Variants in PDXDC1 observed in about 807,000 individuals in gnomAD.
PDXDC1 encodes pyridoxal-dependent decarboxylase domain-containing protein 1.
PDXDC1 carries 42 observed loss-of-function variants against 100.1 expected under a neutral mutation model. The observed-to-expected ratio is 0.42, with a 90% CI of 0.33 to 0.54. The LOEUF is 0.54. Ranked by LOEUF, PDXDC1 falls within the 20% of genes least tolerant of loss-of-function variation. The probability of loss-of-function intolerance (pLI) is 0.10; values close to 1 mark genes in which losing one functional copy is unlikely to be tolerated. For missense variants in PDXDC1, 636 were observed against 979.2 expected, an observed-to-expected ratio of 0.65 and a Z score of 4.68; for synonymous variants, 260 against 371.7, an observed-to-expected ratio of 0.70 and a Z score of 3.46.
intron 16 of PDXDC1, chr16:15,084,560 C>T (rs1440787944): frequency 1.0e-5 from 10 of 992,094 alleles, no homozygotes; most frequent in Admixed American, 4.5e-5. Context: ...AGCTTTAATA[C>T]TATTAACATT....
At chr16:15,050,513 G>C (rs1286264236) in intron 16 of PDXDC1, among the ~76,000 whole-genome samples, 3 of 152,138 alleles carry the variant, frequency 2.0e-5, no homozygotes, top group African/African-American at 4.8e-5. Flanking sequence ...AGGGAGGACT[G>C]CTTGAGCCTA....
chr16:15,102,683 G>A (rs914614344), intron 16 of PDXDC1, among the ~76,000 whole-genome samples: 14 of 146,710 alleles, frequency 9.5e-5, no homozygotes, highest in African/African-American at 3.6e-4. Context: ...GTGTACAGTA[G>A]CTCCCACCTG....
At chr16:15,047,331 C>G (rs1567766095) in intron 16 of PDXDC1, 2 of 744,178 alleles carry the variant, frequency 2.7e-6, no homozygotes, top group African/African-American at 3.4e-5. Context: ...GGGAACGAGG[C>G]AGACACGGCA....
chr16:15,148,163 G>A, the PDXDC1 span, among the ~76,000 whole-genome samples: 2 of 150,910 alleles, frequency 1.3e-5, no homozygotes, highest in Non-Finnish European at 3.0e-5. Flanking sequence ...TATTGGTCTC[G>A]CTATGTTGCC....
intron 16 of PDXDC1, chr16:15,121,968 C>T (rs2047443184): frequency 4.2e-6 from 1 of 240,656 alleles, no homozygotes; most frequent in Non-Finnish European, 8.4e-6. Context: ...TGGTGAAACC[C>T]AGTCTCTACT....
chr16:15,117,444 G>A (rs1334260968), intron 16 of PDXDC1, among the ~76,000 whole-genome samples: 1 of 149,002 alleles, frequency 6.7e-6, no homozygotes, highest in African/African-American at 2.5e-5. Flanking sequence ...GGATCACGAG[G>A]TCAAGAGATG....
downstream of PDXDC1, chr16:15,040,246 C>T (rs1253923427): frequency 4.2e-5 from 18 of 426,696 alleles, no homozygotes; most frequent in Middle Eastern, 3.5e-4. Context: ...CCAAGCATCT[C>T]GGTGAAAATC....
At chr16:15,130,408 A>T in intron 16 of PDXDC1, 2 of 1,563,784 alleles carry the variant, frequency 1.3e-6, no homozygotes, top group Non-Finnish European at 8.7e-7. Context: ...GACAGGCGGA[A>T]GTGGCTGGAG....
At chr16:15,087,928 A>T (rs548338967) in intron 16 of PDXDC1, among the ~76,000 whole-genome samples, 156 of 152,180 alleles carry the variant, frequency 1.0e-3, no homozygotes, top group African/African-American at 3.6e-3. Context: ...GAGCCTAACC[A>T]ACATGGAGAA....
chr16:15,047,255 C>T, intron 16 of PDXDC1: 1 of 597,288 alleles, frequency 1.7e-6, no homozygotes, highest in South Asian at 2.0e-5. Context: ...TGCCTGTGCC[C>T]AGCACCCACT....
At chr16:14,974,996 G>A (rs1458155267), upstream of PDXDC1, 2 of 1,535,262 alleles carry the variant, frequency 1.3e-6, no homozygotes, top group East Asian at 2.4e-5. Flanking sequence ...AGAGGGCTCC[G>A]CCCAGCGCTA....
intron 16 of PDXDC1, chr16:15,061,970 C>T: frequency 1.4e-6 from 2 of 1,475,160 alleles, no homozygotes; most frequent in Admixed American, 3.6e-5. Flanking sequence ...TCAACAATTC[C>T]TTCCTCAGGA....
intron 16 of PDXDC1, among the ~76,000 whole-genome samples, chr16:15,091,128 A>G (rs1303049603): frequency 1.3e-5 from 2 of 152,024 alleles, no homozygotes; most frequent in African/African-American, 4.8e-5. Flanking sequence ...TGTGACAAAA[A>G]TATCTGCAGC....
chr16:15,146,592 G>A, the PDXDC1 span, among the ~76,000 whole-genome samples: 1 of 152,130 alleles, frequency 6.6e-6, no homozygotes, highest in Non-Finnish European at 1.5e-5. Context: ...GCGGCCCTGC[G>A]CTGAAGGCAC....
At chr16:15,083,279 G>A (rs545798330) in intron 16 of PDXDC1, among the ~76,000 whole-genome samples, 18 of 152,180 alleles carry the variant, frequency 1.2e-4, no homozygotes, top group Admixed American at 9.2e-4. Flanking sequence ...GGCGCCTGCA[G>A]TCCCAGCTAA....
At chr16:14,986,098 C>CA (rs1162285045) in intron 1 of PDXDC1, among the ~76,000 whole-genome samples, 483 of 144,770 alleles carry the variant, frequency 3.3e-3, no homozygotes, top group Non-Finnish European at 4.7e-3. Flanking sequence ...GGTCATGTCT[C>CA]AAAAAAAAAA....
chr16:15,000,611 G>C (rs1350060418), intron 3 of PDXDC1, among the ~76,000 whole-genome samples: 1 of 152,294 alleles, frequency 6.6e-6, no homozygotes, highest in Admixed American at 6.5e-5. Context: ...CCTTGCCATT[G>C]CTTGCTACTT....
In PDXDC1 at chr16:14,975,075, C is replaced by G. The variant is rs562556895; in HGVS notation, c.-125C>G. 5 of 1,491,862 alleles carry G rather than the reference C, an allele frequency of 3.4e-6. No individual in the cohort carries two copies. The African/African-American group carries it at 4.2e-5, about 13-fold the overall frequency. The allele number at this position is 1,491,862 out of a possible 1,614,324, so 92.4% of individuals were successfully genotyped here. On this transcript the variant is annotated 5_prime_UTR_variant, in exon 1 of 23. Transcript: ENST00000396410. Reference sequence around the variant, plus strand: ...CCGCGGCGCCGCCTGGCAGCTCCTCCTCTTCTCCGCCCCGCCGGCCGCGGG... The same window carrying G: ...CCGCGGCGCCGCCTGGCAGCTCCTCGTCTTCTCCGCCCCGCCGGCCGCGGG...
rs776940925 is a variant in PDXDC1, at chr16:15,073,007, G to A, written c.1399+42951G>A. On this transcript the variant is annotated intron_variant, in intron 16 of 16. Transcript: ENST00000535621. The stretch of plus-strand genomic sequence containing the variant: ...ACTGTACATGGCAGGAGGCATGGGT[G>A]GGCAACAGGAGTTTGTCAAAGATGT... The A allele has an allele frequency of 1.1e-5, 18 of 1,613,418 alleles. No homozygotes were observed. The East Asian group carries it at 4.0e-4, about 36-fold the overall frequency.
Sources: allele counts gnomAD v4.1 joint callset (sites outside exome capture counted in the v4.1 genomes callset), GRCh38; gene constraint gnomAD v4.1.1; transcripts MANE v1.5; gene names NCBI Gene and HGNC (gene_info 2026-07-23, HGNC 2026-07-21).